Variants in CYP20A1 observed in about 807,000 individuals in gnomAD.
CYP20A1 encodes the protein cytochrome P450 20A1.
CYP20A1 carries 61 observed loss-of-function variants against 61.4 expected under a neutral mutation model. The ratio of observed to expected loss-of-function variants is 0.99; its 90% CI spans 0.81 to 1.23. The LOEUF is 1.23. CYP20A1 is among the 50% of genes most tolerant of loss of function. The probability of loss-of-function intolerance (pLI) is 0.00; values close to 1 mark genes in which losing one functional copy is unlikely to be tolerated. For synonymous variants in CYP20A1, 193 were observed against 188.2 expected (o/e 1.03, Z -0.21); for missense variants, 530 against 542.4 (o/e 0.98, Z 0.23).
intron 4 of CYP20A1, among the ~76,000 whole-genome samples, chr2:203,257,650 G>A (rs970691257): frequency 2.6e-5 from 4 of 151,860 alleles, no homozygotes; most frequent in Non-Finnish European, 5.9e-5. Context: ...TTAGCTGGGC[G>A]TGGTGGCAGG....
intron 5 of CYP20A1, among the ~76,000 whole-genome samples, chr2:203,268,054 G>T (rs2067404594): frequency 6.6e-6 from 1 of 152,028 alleles, no homozygotes; most frequent in Non-Finnish European, 1.5e-5. Flanking sequence ...TTCAGCAGTT[G>T]TTTACATCTT....
At chr2:203,245,964 T>G (rs1245176678) in intron 2 of CYP20A1, 69 bp downstream of exon 2, 3 of 1,076,022 alleles carry the variant, frequency 2.8e-6, no homozygotes, top group Non-Finnish European at 4.1e-6. Context: ...CTAAACCATA[T>G]TTTTAGCCAA....
At chr2:203,277,700 G>A (rs972638905) in intron 6 of CYP20A1, among the ~76,000 whole-genome samples, 23 of 152,094 alleles carry the variant, frequency 1.5e-4, no homozygotes, top group Admixed American at 4.6e-4. Context: ...ATTTTTAGTA[G>A]AGATGGGGTT....
At chr2:203,260,638 C>T (rs997845867) in intron 4 of CYP20A1, among the ~76,000 whole-genome samples, 2 of 152,196 alleles carry the variant, frequency 1.3e-5, no homozygotes, top group Admixed American at 6.5e-5. Context: ...CCAGCCTCAG[C>T]CTCCCAAGTA....
In CYP20A1 at chr2:203,304,299, G is replaced by A. The variant is rs1036972157; in HGVS notation, c.*7391G>A. Among the ~76,000 whole-genome samples the A allele has an allele frequency of 6.6e-6, 1 of 152,172 alleles. No homozygotes were observed. Among genetic ancestry groups the A allele is most frequent in the Admixed American group, 6.6e-5 (1 of 15,266 alleles). On this transcript the variant is annotated 3_prime_UTR_variant, in exon 13 of 13. Coordinates refer to ENST00000356079, the MANE Select transcript of CYP20A1 (RefSeq NM_177538.3). ...TACAACCTCCATCTCCCCAGTTCAAGCGATTCTCCTGCCTCAGCCTCCCGA... is the reference window on the plus strand; with the variant it reads ...TACAACCTCCATCTCCCCAGTTCAAACGATTCTCCTGCCTCAGCCTCCCGA...
chr2:203,249,981 C>T (rs989554226), intron 3 of CYP20A1, among the ~76,000 whole-genome samples: 1 of 152,140 alleles, frequency 6.6e-6, no homozygotes, highest in African/African-American at 2.4e-5. Flanking sequence ...TACTTATCTC[C>T]CTAGAAGAGA....
intron 11 of CYP20A1, among the ~76,000 whole-genome samples, chr2:203,295,690 A>G (rs1045635550): frequency 3.3e-5 from 5 of 152,146 alleles, no homozygotes; most frequent in Non-Finnish European, 5.9e-5. Context: ...GCTCATACCT[A>G]TAATCCCAGC....
intron 5 of CYP20A1, among the ~76,000 whole-genome samples, chr2:203,267,439 C>A (rs2067370456): frequency 6.6e-6 from 1 of 151,592 alleles, no homozygotes; most frequent in South Asian, 2.1e-4. Flanking sequence ...GAGGCTGAGG[C>A]ACCAGAATTG....
Position 203,298,714 on chromosome 2 carries a change from AAGG to A in CYP20A1, c.*1810_*1812del, listed in dbSNP as rs1304957116. Among the ~76,000 whole-genome samples the A allele has an allele frequency of 1.3e-5, 2 of 150,684 alleles. No homozygotes were observed. The highest frequency in any genetic ancestry group is 2.4e-5 in the African/African-American group (1 of 41,002). On this transcript the variant is annotated 3_prime_UTR_variant, in exon 13 of 13. Transcript: ENST00000356079. ...AACTCATTCTCAAAAAAAAAAAAAA[AAGG>A]AGGTGGGGAGAGCTATTTCAAGAAT...
At chr2:203,282,230 G>T (rs754557599) in intron 8 of CYP20A1, among the ~76,000 whole-genome samples, 1 of 152,016 alleles carries the variant, frequency 6.6e-6, no homozygotes, top group Non-Finnish European at 1.5e-5. Context: ...TAGAGACCAT[G>T]TTGGCCAAGC....
In CYP20A1 at chr2:203,289,785, G is replaced by T. The variant is rs755461089; in HGVS notation, c.992G>T (p.Cys331Phe). The T allele has an allele frequency of 1.3e-6, 2 of 1,572,964 alleles. No homozygotes were observed. ...EQLRYCQHVL[C>F]ETVRTAKLTP... ...AACAGATATTGTCAGCATGTGCTTT[G>T]TGAAACTGTTCGAACTGCCAAACTG... Residue 331 changes from cysteine to phenylalanine, a missense_variant, in exon 10 of 13, where the codon TGT becomes TTT. Coordinates refer to ENST00000356079, the MANE Select transcript of CYP20A1 (RefSeq NM_177538.3).
chr2:203,258,369 C>A lies in CYP20A1; in HGVS notation c.432+6260C>A, dbSNP rs193247636. Among the ~76,000 whole-genome samples the A allele has an allele frequency of 3.7e-3, 483 of 129,550 alleles. 1 individual carries two copies. The highest frequency in any genetic ancestry group is 5.9e-3 in the Non-Finnish European group (376 of 63,490). 85.0% of individuals were successfully genotyped at this position (129,550 alleles called of 152,430 possible). A position where few individuals can be genotyped will look rare whatever the true frequency, so the allele number is the denominator to read the frequency against. On this transcript the variant is annotated intron_variant, in intron 4 of 12. Transcript: ENST00000356079. ...AGCCCCTGCACTCCTGCCTGGGCAACATAGCAGGACCCTATGTTTAAAAAA... is the reference window on the plus strand; with the variant it reads ...AGCCCCTGCACTCCTGCCTGGGCAAAATAGCAGGACCCTATGTTTAAAAAA...
chr2:203,242,455 T>C (rs929049170), intron 1 of CYP20A1, among the ~76,000 whole-genome samples: 15 of 152,156 alleles, frequency 9.9e-5, no homozygotes, highest in African/African-American at 3.6e-4. Flanking sequence ...TACATTATGC[T>C]GATGAGGGCT....
In CYP20A1 at chr2:203,300,275, AAAG is replaced by A. The variant is rs752078383; in HGVS notation, c.*3371_*3373del. On this transcript the variant is annotated 3_prime_UTR_variant, in exon 13 of 13. Transcript: ENST00000356079. The stretch of plus-strand genomic sequence containing the variant: ...AGTTACATGACTAACAAATGATTAA[AAAG>A]AAGTTATTCTCTAGATAATTTTTTA... Among the ~76,000 whole-genome samples, 27 of 152,214 alleles carry A rather than the reference AAAG, an allele frequency of 1.8e-4. No homozygotes were observed. Among genetic ancestry groups the A allele is most frequent in the Non-Finnish European group, 3.4e-4 (23 of 68,034 alleles).
chr2:203,280,699 A>AAAAC (rs570948693), intron 8 of CYP20A1, among the ~76,000 whole-genome samples: 3 of 152,228 alleles, frequency 2.0e-5, no homozygotes, highest in African/African-American at 7.2e-5. Context: ...AGACTGTCTC[A>AAAAC]AAACAAACAA....
chr2:203,281,972 C>T lies in CYP20A1; in HGVS notation c.850+1859C>T, dbSNP rs546831327. Among the ~76,000 whole-genome samples, 8 of 151,540 alleles carry T rather than the reference C, an allele frequency of 5.3e-5. No individual in the cohort carries two copies. In the East Asian group the frequency reaches 1.5e-3, roughly 29 times the overall value. The stretch of plus-strand genomic sequence containing the variant: ...TTTCTTCTTTAACATATAGAAATGT[C>T]CAGATACTATAGATGACTAAATTGA... On this transcript the variant is annotated intron_variant, in intron 8 of 12. Transcript: ENST00000356079.
intron 1 of CYP20A1, among the ~76,000 whole-genome samples, chr2:203,240,283 TATTTTCTGAGAAACTAAACA>T (rs530814582): frequency 1.3e-5 from 2 of 152,362 alleles, no homozygotes; most frequent in African/African-American, 4.8e-5. Context: ...CCTGAAATCT[TATTTTCTGAGAAACTAAACA>T]ATTTTAGTGG....
chr2:203,262,929 C>T (rs1386560093), intron 4 of CYP20A1, among the ~76,000 whole-genome samples: 5 of 152,106 alleles, frequency 3.3e-5, no homozygotes, highest in Non-Finnish European at 7.4e-5. Flanking sequence ...CCGCCCGCCT[C>T]GACCTCACAA....
intron 8 of CYP20A1, among the ~76,000 whole-genome samples, chr2:203,281,082 G>A (rs1300378564): frequency 6.6e-6 from 1 of 152,152 alleles, no homozygotes; most frequent in Admixed American, 6.5e-5. Flanking sequence ...ATGTAAAATT[G>A]TAAAATATTT....
Sources: gnomAD v4.1 joint callset for allele counts (sites outside exome capture counted in the v4.1 genomes callset) on GRCh38, gnomAD v4.1.1 for gene constraint, MANE v1.5 for transcripts, NCBI Gene and HGNC (gene_info 2026-07-23, HGNC 2026-07-21) for gene names.